The following ZNF407 variants were observed in gnomAD, a reference collection of about 807,000 sequenced individuals.
The protein encoded by ZNF407 is zinc finger protein 407.
Under a neutral mutation model 131.2 loss-of-function variants are expected in ZNF407, and 17 were observed. The ratio of observed to expected loss-of-function variants is 0.13; its 90% CI spans 0.09 to 0.19. The LOEUF is 0.19. Among genes scored for constraint, ZNF407 ranks in the 10% least tolerant of loss-of-function variants. The pLI is 1.00. For missense variants in ZNF407, 2,681 were observed against 2,830.6 expected, an observed-to-expected ratio of 0.95 and a Z score of 1.20; for synonymous variants, 1,156 against 1,062.0, an observed-to-expected ratio of 1.09 and a Z score of -1.72.
At position 74,703,996 on chromosome 18, in the gene ZNF407, G is replaced by A. The variant is rs755248630; in HGVS notation, c.4802+62874G>A. Among the ~76,000 whole-genome samples the A allele has an allele frequency of 2.6e-5, 4 of 151,784 alleles. No individual in the cohort carries two copies. Among genetic ancestry groups the A allele is most frequent in the Non-Finnish European group, 2.9e-5 (2 of 67,984 alleles). ...TTGCATCTCACAGATAGTCATTCAT[G>A]TCATGAAGTTAATGACATAGAAGTA... On this transcript the variant is annotated intron_variant, in intron 3 of 8. Transcript: ENST00000299687. The surrounding 1 kb of genome is among the most constrained non-coding windows in gnomAD (Gnocchi z 4.1).
At chr18:74,790,909 A>G (rs2145049542) in intron 4 of ZNF407, among the ~76,000 whole-genome samples, 1 of 152,350 alleles carries the variant, frequency 6.6e-6, no homozygotes, top group Middle Eastern at 3.4e-3. Context: ...TTTTTATTTC[A>G]TTATGCTACG....
intron 8 of ZNF407, among the ~76,000 whole-genome samples, chr18:74,952,244 A>G (rs1056409901): frequency 6.6e-6 from 1 of 152,214 alleles, no homozygotes; most frequent in Non-Finnish European, 1.5e-5. Context: ...GATACTCTCT[A>G]TGAACCTTTG....
intron 4 of ZNF407, among the ~76,000 whole-genome samples, chr18:74,826,012 C>T (rs542045698): frequency 1.4e-4 from 21 of 152,270 alleles, no homozygotes; most frequent in African/African-American, 4.8e-4. Context: ...TTTTAATCTA[C>T]GGTTGTATTT....
intron 8 of ZNF407, 82 bp downstream of exon 8, chr18:74,920,774 C>T (rs2145242130): frequency 6.9e-7 from 1 of 1,448,034 alleles, no homozygotes; most frequent in Non-Finnish European, 9.2e-7. Context: ...TGTACATTAC[C>T]ATGATTTATT....
At chr18:74,901,355 G>C (rs1311006150) in intron 7 of ZNF407, among the ~76,000 whole-genome samples, 2 of 152,104 alleles carry the variant, frequency 1.3e-5, no homozygotes, top group Non-Finnish European at 2.9e-5. Flanking sequence ...ATTTCCCTTT[G>C]CAAATTGAGA....
At chr18:74,807,979 A>G (rs1253577475) in intron 4 of ZNF407, among the ~76,000 whole-genome samples, 4 of 152,086 alleles carry the variant, frequency 2.6e-5, no homozygotes, top group African/African-American at 9.7e-5. Context: ...CAGCTTCTCA[A>G]AGAGCTGGGA....
Position 74,632,465 on chromosome 18 carries a change from G to C in ZNF407, c.1446G>C (p.Ala482=). 2.5e-6 allele frequency: 4 copies of C among 1,614,036 alleles called. No individual in the cohort carries two copies. The highest frequency in any genetic ancestry group is 3.4e-6 in the Non-Finnish European group (4 of 1,179,908). The change falls in exon 2 of 9, where the codon GCG becomes GCC. Residue 482 remains alanine, a synonymous_variant. Coordinates refer to ENST00000299687, the MANE Select transcript of ZNF407 (RefSeq NM_017757.3). ...DAESVLKHLE[A]CSSVQRVCVT... ...AATCAGTGCTGAAACACCTGGAAGC[G>C]TGCAGCAGTGTGCAGAGAGTGTGTG...
intron 3 of ZNF407, among the ~76,000 whole-genome samples, chr18:74,771,519 T>C (rs1969359692): frequency 6.9e-6 from 1 of 145,958 alleles, no homozygotes; most frequent in Non-Finnish European, 1.5e-5. Context: ...TTTCATCTTA[T>C]ATGTTATAAA....
intron 4 of ZNF407, among the ~76,000 whole-genome samples, chr18:74,833,005 G>T (rs762421965): frequency 6.6e-6 from 1 of 152,198 alleles, no homozygotes; most frequent in Non-Finnish European, 1.5e-5. Flanking sequence ...CTACACTGGT[G>T]GTGTTCCATG....
chr18:74,676,663 T>C (rs1038169913), intron 3 of ZNF407, among the ~76,000 whole-genome samples: 5 of 152,066 alleles, frequency 3.3e-5, no homozygotes, highest in Admixed American at 6.5e-5. Context: ...CTCGATCTCC[T>C]GACCTCGTGA....
intron 3 of ZNF407, among the ~76,000 whole-genome samples, chr18:74,773,517 G>T (rs749347655): frequency 3.4e-5 from 5 of 148,496 alleles, no homozygotes; most frequent in Non-Finnish European, 5.9e-5. Flanking sequence ...AAGTGGTTTG[G>T]AACTATCAGT....
intron 8 of ZNF407, among the ~76,000 whole-genome samples, chr18:74,989,379 C>T (rs564939545): frequency 1.1e-4 from 17 of 152,348 alleles, no homozygotes; most frequent in African/African-American, 3.6e-4. Flanking sequence ...GGTGTAACCA[C>T]AGGGCTGTAT....
intron 4 of ZNF407, among the ~76,000 whole-genome samples, chr18:74,796,035 A>G (rs983513830): frequency 6.6e-6 from 1 of 152,228 alleles, no homozygotes; most frequent in East Asian, 1.9e-4. Context: ...AGAGCATGCA[A>G]ATCGGCTGCT....
At chr18:74,888,560 T>G (rs1971342534) in intron 6 of ZNF407, among the ~76,000 whole-genome samples, 1 of 152,232 alleles carries the variant, frequency 6.6e-6, no homozygotes, top group African/African-American at 2.4e-5. Context: ...TATTTAGATT[T>G]GATAAAAGTT....
Position 74,639,346 on chromosome 18 carries a change from T to C in ZNF407, c.4688-1662T>C, listed in dbSNP as rs557737859. On this transcript the variant is annotated intron_variant, in intron 2 of 8. Transcript: ENST00000299687. Reference sequence around the variant, plus strand: ...ATCTTCTTTGTTTCGAGTCCTGATATTATTGTTACTTAATAATGTCCTAAT... The same window carrying C: ...ATCTTCTTTGTTTCGAGTCCTGATACTATTGTTACTTAATAATGTCCTAAT... Among the ~76,000 whole-genome samples, 20 of 152,352 alleles carry C rather than the reference T, an allele frequency of 1.3e-4. No individual in the cohort carries two copies. The South Asian group carries it at 3.9e-3, about 30-fold the overall frequency.
intron 3 of ZNF407, among the ~76,000 whole-genome samples, chr18:74,649,115 T>C (rs1482339228): frequency 6.6e-6 from 1 of 152,234 alleles, no homozygotes; most frequent in Admixed American, 6.5e-5. Context: ...ACTATCTAGA[T>C]ATACAAATTT....
At chr18:75,050,317 TTATTG>T (rs1973485367) in intron 8 of ZNF407, among the ~76,000 whole-genome samples, 1 of 152,238 alleles carries the variant, frequency 6.6e-6, no homozygotes, top group South Asian at 2.1e-4. Context: ...GTTACATATT[TTATTG>T]ATTAAGAAAA....
intron 4 of ZNF407, among the ~76,000 whole-genome samples, chr18:74,816,545 G>A (rs1264489214): frequency 1.3e-5 from 2 of 151,954 alleles, no homozygotes; most frequent in African/African-American, 4.8e-5. Flanking sequence ...TTCTTACTTT[G>A]TTATGCCACA....
chr18:75,024,249 A>G (rs776208987), intron 8 of ZNF407, among the ~76,000 whole-genome samples: 1 of 152,170 alleles, frequency 6.6e-6, no homozygotes, highest in African/African-American at 2.4e-5. Flanking sequence ...AATTCTGTTC[A>G]TTTGTTAAGA....
Sources: gnomAD v4.1 joint callset for allele counts (sites outside exome capture counted in the v4.1 genomes callset) on GRCh38, gnomAD v4.1.1 for gene constraint, Gnocchi (gnomAD v3.1) non-coding constraint, MANE v1.5 for transcripts, NCBI Gene and HGNC (gene_info 2026-07-23, HGNC 2026-07-21) for gene names.